ZFYVE21: variants seen among roughly 807,000 people sequenced by gnomAD.
ZFYVE21 encodes the protein zinc finger FYVE domain-containing protein 21.
Under a neutral mutation model 29.5 loss-of-function variants are expected in ZFYVE21, and 21 were observed. The ratio of observed to expected loss-of-function variants is 0.71; its 90% CI spans 0.50 to 1.02. The LOEUF (loss-of-function observed/expected upper bound fraction) is 1.02. Ranked by LOEUF, ZFYVE21 falls within the 50% of genes least tolerant of loss-of-function variation. ZFYVE21 has a pLI of 0.00. For synonymous variants in ZFYVE21, 151 were observed against 133.8 expected (o/e 1.13, Z -0.89); for missense variants, 326 against 335.4 (o/e 0.97, Z 0.22).
intron 6 of ZFYVE21, 52 bp from the exon 7 acceptor site, chr14:103,732,931 C>G: frequency 6.2e-7 from 1 of 1,613,706 alleles, no homozygotes; most frequent in Non-Finnish European, 8.5e-7. Flanking sequence ...CTTGGCTCCA[C>G]CAGGCACAGG....
chr14:103,729,888 G>A (rs1205029557), intron 5 of ZFYVE21: 5 of 1,533,420 alleles, frequency 3.3e-6, no homozygotes, highest in Non-Finnish European at 4.4e-6. Flanking sequence ...GCATGCAGCG[G>A]GCCCGTTCCT....
chr14:103,726,743 G>C, intron 1 of ZFYVE21, 49 bp from the exon 2 acceptor site: 2 of 1,611,210 alleles, frequency 1.2e-6, no homozygotes, highest in Middle Eastern at 1.7e-4. Flanking sequence ...CCCCAGCGAC[G>C]TGGTGAGTGA....
At chr14:103,717,146 G>T (rs1247283219) in intron 1 of ZFYVE21, among the ~76,000 whole-genome samples, 2 of 152,162 alleles carry the variant, frequency 1.3e-5, no homozygotes, top group Admixed American at 1.3e-4. Flanking sequence ...AGTGTCTCTG[G>T]CATCTACAGT....
intron 5 of ZFYVE21, 49 bp downstream of exon 5, chr14:103,729,231 C>A: frequency 1.9e-6 from 3 of 1,592,582 alleles, no homozygotes; most frequent in Non-Finnish European, 2.6e-6. Flanking sequence ...TGGTGCCATG[C>A]GTGGGTGACA....
chr14:103,717,178 C>T (rs971808856), intron 1 of ZFYVE21, among the ~76,000 whole-genome samples: 1 of 152,222 alleles, frequency 6.6e-6, no homozygotes, highest in Non-Finnish European at 1.5e-5. Context: ...TCACCGGTCA[C>T]TGAGCGTGTC....
At chr14:103,720,508 C>G (rs757392543) in intron 1 of ZFYVE21, among the ~76,000 whole-genome samples, 15 of 152,166 alleles carry the variant, frequency 9.9e-5, no homozygotes, top group Non-Finnish European at 2.1e-4. Flanking sequence ...ACCCCAGCCT[C>G]AAAGGGAGGG....
chr14:103,721,765 T>C (rs2083874644), intron 1 of ZFYVE21, among the ~76,000 whole-genome samples: 1 of 152,252 alleles, frequency 6.6e-6, no homozygotes, highest in Non-Finnish European at 1.5e-5. Context: ...CTTTATTATT[T>C]ATTTATTCAT....
rs773256889 is a variant in ZFYVE21, at chr14:103,728,914, C to A, written c.365C>A (p.Thr122Asn). The A allele has an allele frequency of 1.9e-6, 3 of 1,614,090 alleles. No homozygotes were observed. Among genetic ancestry groups the A allele is most frequent in the South Asian group, 2.2e-5 (2 of 91,086 alleles). ...TTGCTTTTGTGTTCCCAAGGAGCCA[C>A]CTTCCTCGTCACGTTTGGAAACTCA... ...KQLKVLLSGA[T>N]FLVTFGNSEK... is the part of the protein sequence containing the mutation. The change falls in exon 4 of 7, where the codon ACC becomes AAC. Residue 122 changes from threonine to asparagine, a missense_variant. Transcript: ENST00000311141.
At chr14:103,731,147 TAAAAATAC>T (rs2083969854) in intron 5 of ZFYVE21, 1 of 151,674 alleles carries the variant, frequency 6.6e-6, no homozygotes, top group African/African-American at 2.4e-5. Context: ...CTGTCTGTAC[TAAAAATAC>T]AAAAATTAGC....
At position 103,715,892 on chromosome 14, in the gene ZFYVE21, C is replaced by T. The variant is rs2083798926; in HGVS notation, c.51C>T (p.Ser17=). The T allele has an allele frequency of 1.4e-6, 2 of 1,438,562 alleles. No homozygotes were observed. Among genetic ancestry groups the T allele is most frequent in the African/African-American group, 3.0e-5 (2 of 67,150 alleles). The allele number at this position is 1,438,562 out of a possible 1,614,324, so 89.1% of individuals were successfully genotyped here. Residue 17 remains serine, a synonymous_variant, in exon 1 of 7, where the codon TCC becomes TCT. Transcript: ENST00000311141. ...GCGACGCCAAGAAGCTGGTGCGCTC[C>T]CCGAGCGGCCTGCGCATGGTGCCCG... is the stretch of plus-strand genomic sequence containing the variant. ...ARRDAKKLVR[S]PSGLRMVPEH... is the part of the protein sequence containing the mutation.
rs377766972 is a variant in ZFYVE21 at position 103,729,232 on chromosome 14, G to T, written c.526+50G>T. On this transcript the variant is annotated intron_variant, in intron 5 of 6. Transcript: ENST00000311141. ...AAGCCAGGAGGGTTTGGTGCCATGC[G>T]TGGGTGACAAGAGGAGCATGCACTT... The T allele has an allele frequency of 5.6e-6, 9 of 1,593,062 alleles. No homozygotes were observed. The African/African-American group carries it at 1.2e-4, about 21-fold the overall frequency.
chr14:103,718,010 T>C (rs2144078), intron 1 of ZFYVE21, among the ~76,000 whole-genome samples: 141,826 of 152,288 alleles, frequency 0.93, 66,320 homozygotes, highest in Non-Finnish European at 0.97. Flanking sequence ...TGGCATGTGG[T>C]GATGCTGAAG....
intron 2 of ZFYVE21, chr14:103,727,293 T>A (rs2083936340): frequency 8.3e-6 from 3 of 361,400 alleles, no homozygotes; most frequent in Non-Finnish European, 1.6e-5. Flanking sequence ...CCGTGGAAAG[T>A]GACTGTGCTG....
Position 103,720,133 on chromosome 14 carries a change from CG to C in ZFYVE21, c.138+4158del, listed in dbSNP as rs1291435136. ...ATGTCCTCTCTCACACACCCCACCG[CG>C]GGGTCCCTGTGAGAGGAGCCAGTTT... On this transcript the variant is annotated intron_variant, in intron 1 of 6. Coordinates refer to ENST00000311141, the MANE Select transcript of ZFYVE21 (RefSeq NM_024071.4). 3.9e-5 allele frequency among the ~76,000 whole-genome samples: 6 copies of C among 152,098 alleles called. No individual in the cohort carries two copies. The East Asian group carries it at 1.2e-3, about 30-fold the overall frequency.
intron 5 of ZFYVE21, 42 bp from the exon 6 acceptor site, chr14:103,732,578 A>T: frequency 6.6e-7 from 1 of 1,517,126 alleles, no homozygotes; most frequent in Admixed American, 2.3e-5. Flanking sequence ...CTGGGCACTC[A>T]GGGCCTCCTT....
At chr14:103,729,668 C>T in intron 5 of ZFYVE21, 1 of 1,217,072 alleles carries the variant, frequency 8.2e-7, no homozygotes, top group Non-Finnish European at 1.1e-6. Flanking sequence ...GGGGAGCTCG[C>T]ATCCCGTTAT....
chr14:103,732,785 G>T (rs775739211), intron 6 of ZFYVE21, 23 bp downstream of exon 6: 1 of 1,608,164 alleles, frequency 6.2e-7, no homozygotes, highest in Admixed American at 1.7e-5. Context: ...AGGCCAGGGA[G>T]GCTGGGCCCT....
intron 5 of ZFYVE21, chr14:103,729,812 C>T (rs1300261832): frequency 6.5e-7 from 1 of 1,536,342 alleles, no homozygotes; most frequent in Non-Finnish European, 8.7e-7. Flanking sequence ...TTCACGCTTA[C>T]ACCAGCCTCC....
intron 1 of ZFYVE21, among the ~76,000 whole-genome samples, chr14:103,720,141 CTG>C (rs1435645408): frequency 1.3e-5 from 2 of 152,220 alleles, no homozygotes; most frequent in African/African-American, 4.8e-5. Flanking sequence ...CGCGGGGTCC[CTG>C]TGAGAGGAGC....
Sources: gnomAD v4.1 joint callset for allele counts (sites outside exome capture counted in the v4.1 genomes callset) on GRCh38, gnomAD v4.1.1 for gene constraint, MANE v1.5 for transcripts, NCBI Gene and HGNC (gene_info 2026-07-23, HGNC 2026-07-21) for gene names.